The following ARHGAP26 variants were observed in gnomAD, a reference collection of about 807,000 sequenced individuals.
The protein encoded by ARHGAP26 is rho GTPase-activating protein 26.
Under a neutral mutation model 104.8 loss-of-function variants are expected in ARHGAP26, and 38 were observed. That is an observed-to-expected ratio of 0.36 (90% CI 0.28 to 0.48). The LOEUF is 0.48. Among genes scored for constraint, ARHGAP26 ranks in the 20% least tolerant of loss-of-function variants. The probability of loss-of-function intolerance (pLI) is 0.99; values close to 1 mark genes in which losing one functional copy is unlikely to be tolerated. For missense variants in ARHGAP26, 704 were observed against 947.9 expected (o/e 0.74, Z 3.38); for synonymous variants, 341 against 340.0 (o/e 1.00, Z -0.03).
At chr5:143,104,490 G>A (rs1369426801) in intron 17 of ARHGAP26, among the ~76,000 whole-genome samples, 3 of 152,150 alleles carry the variant, frequency 2.0e-5, no homozygotes, top group Admixed American at 6.5e-5. Context: ...CAGTCTGGGC[G>A]AGAGAGTGAG....
intron 18 of ARHGAP26, among the ~76,000 whole-genome samples, chr5:143,123,678 C>T (rs1293490054): frequency 6.6e-6 from 1 of 152,010 alleles, no homozygotes; most frequent in African/African-American, 2.4e-5. Context: ...ATAGCAAGAC[C>T]CCCATCTCTA....
chr5:142,968,013 T>G (rs1269427924), intron 11 of ARHGAP26, among the ~76,000 whole-genome samples: 2 of 152,176 alleles, frequency 1.3e-5, no homozygotes, highest in African/African-American at 4.8e-5. Flanking sequence ...TAGATGAGTT[T>G]CCTTGCTCAT....
chr5:143,082,903 A>T (rs1427827796), intron 17 of ARHGAP26, among the ~76,000 whole-genome samples: 1 of 152,244 alleles, frequency 6.6e-6, no homozygotes, highest in Non-Finnish European at 1.5e-5. Flanking sequence ...TTTTGAGTTT[A>T]AAAATGAAGG....
chr5:142,861,919 T>C (rs911724875), intron 1 of ARHGAP26, among the ~76,000 whole-genome samples: 1 of 152,188 alleles, frequency 6.6e-6, no homozygotes, highest in African/African-American at 2.4e-5. Context: ...TACCTTGTTT[T>C]TCTCTTGATT....
At chr5:142,967,624 A>G (rs1212141800) in intron 11 of ARHGAP26, among the ~76,000 whole-genome samples, 2 of 152,240 alleles carry the variant, frequency 1.3e-5, no homozygotes, top group Non-Finnish European at 2.9e-5. Flanking sequence ...TACTAAAAAT[A>G]CATCAGTATT....
Position 143,057,756 on chromosome 5 carries a change from A to G in ARHGAP26, c.1538+9A>G, listed in dbSNP as rs752032084. 15 of 1,608,604 alleles carry G rather than the reference A, an allele frequency of 9.3e-6. No homozygotes were observed. The East Asian group carries it at 1.6e-4, about 17-fold the overall frequency. ...ATGAACCACTTGGCAAAGTAGGTTT[A>G]AGACCAATTACTAGCCTTTTTCTTA... On this transcript the variant is annotated intron_variant, in intron 17 of 22. Coordinates refer to ENST00000645722, the MANE Select transcript of ARHGAP26 (RefSeq NM_001135608.3).
chr5:142,900,438 C>G (rs557924834), intron 6 of ARHGAP26, among the ~76,000 whole-genome samples: 67 of 152,128 alleles, frequency 4.4e-4, no homozygotes, highest in Non-Finnish European at 7.9e-4. Context: ...ATAGATGGGC[C>G]GGGGACAGTG....
chr5:142,907,882 C>T, intron 9 of ARHGAP26, 78 bp downstream of exon 9: 1 of 888,904 alleles, frequency 1.1e-6, no homozygotes, highest in African/African-American at 1.7e-5. Flanking sequence ...TAAAGTAACA[C>T]CTCCAGTGTT....
intron 14 of ARHGAP26, among the ~76,000 whole-genome samples, chr5:143,050,479 A>G (rs1026066758): frequency 2.6e-5 from 4 of 152,216 alleles, no homozygotes; most frequent in Admixed American, 6.5e-5. Context: ...CGATCCAGCC[A>G]TGAACTATCC....
chr5:142,818,540 GGTA>G (rs1354901400), intron 1 of ARHGAP26, among the ~76,000 whole-genome samples: 2 of 152,158 alleles, frequency 1.3e-5, no homozygotes, highest in African/African-American at 4.8e-5. Context: ...AAAAAAGCAA[GGTA>G]GTGAGATGGC....
intron 5 of ARHGAP26, among the ~76,000 whole-genome samples, chr5:142,888,057 A>G (rs1172761720): frequency 2.0e-5 from 3 of 152,218 alleles, no homozygotes; most frequent in Admixed American, 1.3e-4. Context: ...TAGCAACTAT[A>G]ATATAGGGAA....
At chr5:143,091,259 C>A (rs912758302) in intron 17 of ARHGAP26, among the ~76,000 whole-genome samples, 1 of 152,164 alleles carries the variant, frequency 6.6e-6, no homozygotes, top group Non-Finnish European at 1.5e-5. Context: ...GGGTCCTTCC[C>A]AGGCTGGCTT....
At chr5:142,817,224 G>A (rs184378070) in intron 1 of ARHGAP26, among the ~76,000 whole-genome samples, 1 of 152,330 alleles carries the variant, frequency 6.6e-6, no homozygotes, top group Admixed American at 6.5e-5. Flanking sequence ...AGGGGAGGGG[G>A]AAGGTGGAGG....
In ARHGAP26 at chr5:142,857,524, G is replaced by T. The variant is rs75834081; in HGVS notation, c.155-15876G>T. Among the ~76,000 whole-genome samples the T allele has an allele frequency of 6.5e-3, 992 of 152,232 alleles. 14 individuals are homozygous for T. Among genetic ancestry groups the T allele is most frequent in the East Asian group, 0.06 (312 of 5,172 alleles). ...TGCTCATGCATGCCTCTGGCTCAGG[G>T]TCACCTCGTCCCTCCTGCAGCAAGG... On this transcript the variant is annotated intron_variant, in intron 1 of 22. Coordinates refer to ENST00000645722, the MANE Select transcript of ARHGAP26 (RefSeq NM_001135608.3).
Position 143,056,316 on chromosome 5 carries a change from C to CTTT in ARHGAP26, c.1432+252_1432+254dup, listed in dbSNP as rs10672936. Among the ~76,000 whole-genome samples the CTTT allele has an allele frequency of 7.0e-3, 563 of 79,864 alleles. 4 individuals carry two copies. The highest frequency in any genetic ancestry group is 0.014 in the African/African-American group (295 of 20,942). The allele number at this position is 79,864 out of a possible 152,430, so 52.4% of individuals were successfully genotyped here. A position where few individuals can be genotyped will look rare whatever the true frequency, so the allele number is the denominator to read the frequency against. On this transcript the variant is annotated intron_variant, in intron 16 of 22. Transcript: ENST00000645722. Reference sequence around the variant, plus strand: ...AGCAGAGGACAGAAACTTCAGAAGTCTTTTTTTTTTTTTTTTTTTTTTTTG... The same window carrying CTTT: ...AGCAGAGGACAGAAACTTCAGAAGTCTTTTTTTTTTTTTTTTTTTTTTTTTTTG...
intron 17 of ARHGAP26, among the ~76,000 whole-genome samples, chr5:143,087,636 CTTTTTTTTTTTTTTT>C (rs35201189): frequency 4.8e-4 from 25 of 51,566 alleles, no homozygotes; most frequent in Non-Finnish European, 7.5e-4. Flanking sequence ...CTGGCCCATT[CTTTTTTTTTTTTTTT>C]TTTTTTTTTT....
At chr5:143,121,813 C>T (rs1261601181) in intron 18 of ARHGAP26, among the ~76,000 whole-genome samples, 1 of 152,154 alleles carries the variant, frequency 6.6e-6, no homozygotes, top group Non-Finnish European at 1.5e-5. Context: ...GTCCTCTCAC[C>T]CACTTCATTG....
At chr5:142,818,395 T>G (rs1765525849) in intron 1 of ARHGAP26, among the ~76,000 whole-genome samples, 1 of 152,156 alleles carries the variant, frequency 6.6e-6, no homozygotes, top group South Asian at 2.1e-4. Flanking sequence ...GGTGTGGCAT[T>G]GCTGGCTGGG....
intron 17 of ARHGAP26, among the ~76,000 whole-genome samples, chr5:143,116,099 G>A (rs1052245429): frequency 7.2e-5 from 11 of 152,196 alleles, no homozygotes; most frequent in African/African-American, 2.7e-4. Flanking sequence ...GTGCCTGTCT[G>A]TTTATGTATG....
Sources: allele counts gnomAD v4.1 joint callset (sites outside exome capture counted in the v4.1 genomes callset), GRCh38; gene constraint gnomAD v4.1.1; transcripts MANE v1.5; gene names NCBI Gene and HGNC (gene_info 2026-07-23, HGNC 2026-07-21).